Variants in CNBD1 observed in about 807,000 individuals in gnomAD.
The protein encoded by CNBD1 is cyclic nucleotide-binding domain-containing protein 1.
A neutral mutation model predicts 54.4 loss-of-function variants in CNBD1; 71 were observed. That is an observed-to-expected ratio of 1.30 (90% CI 1.08 to 1.59). The LOEUF is 1.59. CNBD1 is among the 40% of genes most tolerant of loss of function. CNBD1 has a pLI of 0.00. For missense variants in CNBD1, 659 were observed against 518.0 expected, an observed-to-expected ratio of 1.27 and a Z score of -2.64; for synonymous variants, 182 against 170.7, an observed-to-expected ratio of 1.07 and a Z score of -0.51.
intron 10 of CNBD1, among the ~76,000 whole-genome samples, chr8:87,374,540 GAAGA>G (rs1424828702): frequency 2.6e-5 from 4 of 151,432 alleles, no homozygotes; most frequent in African/African-American, 4.9e-5. Context: ...ACCTTGTATG[GAAGA>G]GATTAGTTAG....
intron 4 of CNBD1, among the ~76,000 whole-genome samples, chr8:87,111,811 T>C (rs1811669757): frequency 6.6e-6 from 1 of 151,856 alleles, no homozygotes; most frequent in African/African-American, 2.4e-5. Flanking sequence ...CATCCTGCCA[T>C]TAAGACTTTG....
intron 4 of CNBD1, among the ~76,000 whole-genome samples, chr8:87,099,952 A>G (rs1811395888): frequency 6.6e-6 from 1 of 152,184 alleles, no homozygotes; most frequent in Admixed American, 6.5e-5. Context: ...GGCAAACCCT[A>G]TTTGTGGCAA....
chr8:87,374,085 T>C (rs1810875538), intron 10 of CNBD1, among the ~76,000 whole-genome samples: 1 of 151,746 alleles, frequency 6.6e-6, no homozygotes. Flanking sequence ...CCCTAAAAAA[T>C]TCCTTACAAA....
In CNBD1 at chr8:87,005,831, C is replaced by G. The variant is rs1809087340; in HGVS notation, c.431+66077C>G. 3.3e-5 allele frequency among the ~76,000 whole-genome samples: 5 copies of G among 151,950 alleles called. No homozygotes were observed. In the South Asian group the frequency reaches 1.0e-3, roughly 32 times the overall value. On this transcript the variant is annotated intron_variant, in intron 4 of 10. Transcript: ENST00000518476. ...CGCTATCTGTGTTTGCTAATTGGTG[C>G]TTATGGAAGAGCCTGGGAGATGGGG...
At chr8:87,324,199 G>C (rs970955089) in intron 8 of CNBD1, among the ~76,000 whole-genome samples, 1 of 127,472 alleles carries the variant, frequency 7.8e-6, no homozygotes, top group Non-Finnish European at 1.8e-5. Context: ...GCTGGATTCG[G>C]TTTGCCAGTA....
chr8:87,298,037 T>A (rs919585988), intron 8 of CNBD1, among the ~76,000 whole-genome samples: 6 of 151,886 alleles, frequency 4.0e-5, no homozygotes, highest in African/African-American at 1.2e-4. Context: ...TTAATATAGA[T>A]TTGTATAAGC....
At chr8:87,426,810 G>A (rs969584524) in intron 2 of CNBD1, among the ~76,000 whole-genome samples, 5 of 152,140 alleles carry the variant, frequency 3.3e-5, no homozygotes, top group African/African-American at 1.2e-4. Flanking sequence ...AATTTCATTT[G>A]TGTATCCCAT....
At chr8:87,125,899 A>G (rs1811981046) in intron 4 of CNBD1, among the ~76,000 whole-genome samples, 1 of 151,776 alleles carries the variant, frequency 6.6e-6, no homozygotes, top group Non-Finnish European at 1.5e-5. Context: ...ATCAGTTTCC[A>G]TTTCCTAAAA....
At chr8:86,932,780 T>C (rs2130407886) in intron 3 of CNBD1, among the ~76,000 whole-genome samples, 1 of 152,160 alleles carries the variant, frequency 6.6e-6, no homozygotes, top group Non-Finnish European at 1.5e-5. Context: ...AGCTTCTTGA[T>C]GCCTGAGTGT....
chr8:87,283,435 GT>G (rs1374436288), intron 6 of CNBD1, among the ~76,000 whole-genome samples: 1 of 151,898 alleles, frequency 6.6e-6, no homozygotes, highest in South Asian at 2.1e-4. Flanking sequence ...ATTGCTTTCT[GT>G]GGGAGTTCCT....
At chr8:87,354,093 C>A (rs1413298136) in intron 10 of CNBD1, among the ~76,000 whole-genome samples, 2 of 152,104 alleles carry the variant, frequency 1.3e-5, no homozygotes, top group African/African-American at 2.4e-5. Flanking sequence ...CAGGACCACC[C>A]TGAACTGAAG....
chr8:87,017,471 T>C (rs1168950398), intron 4 of CNBD1, among the ~76,000 whole-genome samples: 2 of 152,208 alleles, frequency 1.3e-5, no homozygotes, highest in Non-Finnish European at 2.9e-5. Context: ...TTTACTGCTT[T>C]GCTATGGAAT....
intron 8 of CNBD1, among the ~76,000 whole-genome samples, chr8:87,335,771 C>G (rs1372933123): frequency 6.6e-6 from 1 of 152,106 alleles, no homozygotes; most frequent in Non-Finnish European, 1.5e-5. Context: ...TTATTTTGCA[C>G]ACTAGTAGAT....
At chr8:87,424,938 C>T (rs1808018495) in intron 2 of CNBD1, among the ~76,000 whole-genome samples, 1 of 152,092 alleles carries the variant, frequency 6.6e-6, no homozygotes, top group Admixed American at 6.6e-5. Flanking sequence ...TTCCATTCTC[C>T]CCATGACTTT....
At chr8:87,131,665 T>C (rs1812120489) in intron 4 of CNBD1, among the ~76,000 whole-genome samples, 1 of 152,080 alleles carries the variant, frequency 6.6e-6, no homozygotes, top group Non-Finnish European at 1.5e-5. Flanking sequence ...CTTTGATTCG[T>C]ACATCTTTTT....
chr8:87,333,501 G>C (rs1257971398), intron 8 of CNBD1, among the ~76,000 whole-genome samples: 2 of 152,164 alleles, frequency 1.3e-5, no homozygotes, highest in Admixed American at 6.5e-5. Context: ...GTATGATATT[G>C]GCTGTGGGTT....
intron 2 of CNBD1, among the ~76,000 whole-genome samples, chr8:87,415,983 A>C (rs573033181): frequency 9.9e-5 from 15 of 151,844 alleles, no homozygotes; most frequent in East Asian, 7.7e-4. Context: ...GGACATTAAC[A>C]AAAAAAATTA....
At chr8:87,298,419 C>G (rs1057168060) in intron 8 of CNBD1, among the ~76,000 whole-genome samples, 1 of 151,940 alleles carries the variant, frequency 6.6e-6, no homozygotes, top group East Asian at 1.9e-4. Context: ...ATCACTACAC[C>G]CTGACCCATT....
chr8:87,408,607 G>T (rs569759285), intron 2 of CNBD1, among the ~76,000 whole-genome samples: 2 of 151,650 alleles, frequency 1.3e-5, no homozygotes, highest in African/African-American at 4.8e-5. Context: ...TCAGTTTATC[G>T]TGCTTCATTA....
Sources: gnomAD v4.1 joint callset for allele counts (sites outside exome capture counted in the v4.1 genomes callset) on GRCh38, gnomAD v4.1.1 for gene constraint, MANE v1.5 for transcripts, NCBI Gene and HGNC (gene_info 2026-07-23, HGNC 2026-07-21) for gene names.